Variants in GRIN2B observed in about 807,000 individuals in gnomAD.
The protein encoded by GRIN2B is glutamate ionotropic receptor NMDA type subunit 2B, also known as glutamate receptor ionotropic, NMDA 2B.
In GRIN2B, 5 loss-of-function variants were observed where a neutral mutation model predicts 114.5. The observed-to-expected ratio is 0.04, with a 90% confidence interval of 0.02 to 0.09. The LOEUF (loss-of-function observed/expected upper bound fraction) is 0.09. GRIN2B is among the 10% of genes least tolerant of loss of function. The pLI, the probability that GRIN2B is intolerant of heterozygous loss-of-function variation, is 1.00. For missense variants in GRIN2B, 1,108 were observed against 1,943.5 expected (o/e 0.57, Z 8.08); for synonymous variants, 787 against 745.1 (o/e 1.06, Z -0.92).
Position 13,549,136 on chromosome 12 carries a change from G to T in GRIN2B, c.*13647C>A, listed in dbSNP as rs564569389. On this transcript the variant is annotated 3_prime_UTR_variant, in exon 14 of 14. Coordinates refer to ENST00000609686, the MANE Select transcript of GRIN2B (RefSeq NM_000834.5). ...AGATACTAAAATCTTTGGAAAGATG[G>T]ATTATATCCTGAGCTTGATATCATT... The T allele has an allele frequency of 6.6e-6, 1 of 152,262 alleles. No individual in the cohort carries two copies. The highest frequency in any genetic ancestry group is 1.9e-4 in the East Asian group (1 of 5,178). 9.4% of individuals were successfully genotyped at this position (152,262 alleles called of 1,614,324 possible). A position where few individuals can be genotyped will look rare whatever the true frequency, so the allele number is the denominator to read the frequency against.
At chr12:13,782,089 G>A (rs1486938735) in intron 3 of GRIN2B, among the ~76,000 whole-genome samples, 1 of 152,176 alleles carries the variant, frequency 6.6e-6, no homozygotes, top group Non-Finnish European at 1.5e-5. Flanking sequence ...TTATGGGCTA[G>A]ACTTTGAGCT....
intron 3 of GRIN2B, among the ~76,000 whole-genome samples, chr12:13,846,889 A>G (rs1164050950): frequency 6.6e-6 from 1 of 152,146 alleles, no homozygotes; most frequent in Non-Finnish European, 1.5e-5. Context: ...AAAATAAAAA[A>G]CAATTAAGAA....
At chr12:13,888,844 C>A (rs1365955329) in intron 2 of GRIN2B, among the ~76,000 whole-genome samples, 1 of 151,022 alleles carries the variant, frequency 6.6e-6, no homozygotes, top group African/African-American at 2.4e-5. Context: ...CCTGCAGGGA[C>A]TGAAAGTTGC....
chr12:13,669,531 T>G (rs1169965534), intron 5 of GRIN2B, among the ~76,000 whole-genome samples: 1 of 152,090 alleles, frequency 6.6e-6, no homozygotes, highest in Non-Finnish European at 1.5e-5. Flanking sequence ...TTCACCCCCT[T>G]AGATGCCTTC....
intron 2 of GRIN2B, among the ~76,000 whole-genome samples, chr12:13,974,210 C>T (rs755646690): frequency 4.6e-5 from 7 of 152,202 alleles, no homozygotes; most frequent in Non-Finnish European, 7.3e-5. Flanking sequence ...CCTTTGGACA[C>T]AAACCAACTA....
chr12:13,729,381 T>C (rs1437862032), intron 4 of GRIN2B, among the ~76,000 whole-genome samples: 1 of 152,194 alleles, frequency 6.6e-6, no homozygotes, highest in African/African-American at 2.4e-5. Flanking sequence ...ATCTTCCTTC[T>C]GTCTCTCCCG....
intron 4 of GRIN2B, among the ~76,000 whole-genome samples, chr12:13,725,905 CT>C (rs991396250): frequency 2.0e-5 from 3 of 152,088 alleles, no homozygotes; most frequent in Admixed American, 6.6e-5. Flanking sequence ...CACAATGACT[CT>C]CCTGGAGATT....
chr12:13,699,886 C>CTTTTT (rs5796554), intron 4 of GRIN2B, among the ~76,000 whole-genome samples: 1 of 145,840 alleles, frequency 6.9e-6, no homozygotes, highest in Non-Finnish European at 1.5e-5. Context: ...CGCACCCAGC[C>CTTTTT]TTTTTTTTTT....
chr12:13,564,920 GGC>G lies in GRIN2B; in HGVS notation c.2599-283_2599-282del, dbSNP rs1266958603. Among the ~76,000 whole-genome samples the G allele has an allele frequency of 6.6e-6, 1 of 152,194 alleles. No individual in the cohort carries two copies. Among genetic ancestry groups the G allele is most frequent in the Non-Finnish European group, 1.5e-5 (1 of 68,030 alleles). Reference sequence around the variant, plus strand: ...CAAAGGGACTGGAATCATAAGATATGGCATTTTTGCCTCAGCTTCACTGTTGA... The same window carrying G: ...CAAAGGGACTGGAATCATAAGATATGATTTTTGCCTCAGCTTCACTGTTGA... On this transcript the variant is annotated intron_variant, in intron 13 of 13. Transcript: ENST00000609686. The surrounding 1 kb of genome is among the most constrained non-coding windows in gnomAD (Gnocchi z 4.8).
At chr12:13,723,225 G>T (rs547762804) in intron 4 of GRIN2B, among the ~76,000 whole-genome samples, 1 of 151,764 alleles carries the variant, frequency 6.6e-6, no homozygotes, top group Non-Finnish European at 1.5e-5. Flanking sequence ...GTGCCATGGT[G>T]GTTTGCTGCA....
chr12:13,697,301 A>G (rs1203434650), intron 4 of GRIN2B, among the ~76,000 whole-genome samples: 1 of 152,084 alleles, frequency 6.6e-6, no homozygotes, highest in East Asian at 1.9e-4. Context: ...TTGTCTCTAA[A>G]TGTGATTAGA....
rs1948250191 is a variant in GRIN2B at position 13,539,385 on chromosome 12, T to C, written c.*23398A>G. ...GTGATGTTGAAATGTGCCTCATGAT[T>C]GGCATGTGAAAAGCTAAATATGTCT... On this transcript the variant is annotated 3_prime_UTR_variant, in exon 14 of 14. Transcript: ENST00000609686. The C allele has an allele frequency of 6.6e-6, 1 of 152,244 alleles. No individual in the cohort carries two copies. Among genetic ancestry groups the C allele is most frequent in the Non-Finnish European group, 1.5e-5 (1 of 68,054 alleles). 9.4% of individuals were successfully genotyped at this position (152,244 alleles called of 1,614,324 possible).
At chr12:13,777,431 G>A (rs1864025027) in intron 3 of GRIN2B, among the ~76,000 whole-genome samples, 1 of 152,150 alleles carries the variant, frequency 6.6e-6, no homozygotes. Context: ...TGCAGGAAAG[G>A]CAAGTTGGGA....
intron 10 of GRIN2B, among the ~76,000 whole-genome samples, chr12:13,593,690 TTAAAC>T (rs1326339174): frequency 6.6e-6 from 1 of 152,200 alleles, no homozygotes; most frequent in African/African-American, 2.4e-5. Flanking sequence ...TGGGATCTGA[TTAAAC>T]TAAAGAGCTT....
chr12:13,686,369 T>C (rs1950174340), intron 4 of GRIN2B, among the ~76,000 whole-genome samples: 1 of 152,054 alleles, frequency 6.6e-6, no homozygotes, highest in Admixed American at 6.6e-5. Context: ...TGAACCCCAA[T>C]TGCATCTTCA....
intron 3 of GRIN2B, among the ~76,000 whole-genome samples, chr12:13,798,992 G>A (rs1194393359): frequency 5.9e-5 from 9 of 152,174 alleles, no homozygotes; most frequent in Admixed American, 3.9e-4. Flanking sequence ...ATTAATGTTA[G>A]TGTTTGACAT....
At chr12:13,910,711 A>G (rs1197865335) in intron 2 of GRIN2B, among the ~76,000 whole-genome samples, 1 of 152,202 alleles carries the variant, frequency 6.6e-6, no homozygotes, top group Non-Finnish European at 1.5e-5. Context: ...CTCTGTTTAA[A>G]GATTCTTCAG....
At chr12:13,842,167 T>A (rs1287719205) in intron 3 of GRIN2B, among the ~76,000 whole-genome samples, 1 of 152,180 alleles carries the variant, frequency 6.6e-6, no homozygotes, top group Non-Finnish European at 1.5e-5. Flanking sequence ...CATATCCCAA[T>A]ATGACACTCT....
chr12:13,890,343 TC>T (rs1866238031), intron 2 of GRIN2B, among the ~76,000 whole-genome samples: 3 of 152,198 alleles, frequency 2.0e-5, no homozygotes, highest in Non-Finnish European at 1.5e-5. Context: ...CATCAGGGAT[TC>T]CTCAAATCTA....
Sources: allele counts gnomAD v4.1 joint callset (sites outside exome capture counted in the v4.1 genomes callset), GRCh38; gene constraint gnomAD v4.1.1; non-coding constraint Gnocchi (gnomAD v3.1); transcripts MANE v1.5; gene names NCBI Gene and HGNC (gene_info 2026-07-23, HGNC 2026-07-21).